TFEC: variants seen among roughly 807,000 people sequenced by gnomAD.
The protein encoded by TFEC is class E basic helix-loop-helix protein 34.
TFEC carries 31 observed loss-of-function variants against 41.6 expected under a neutral mutation model. The observed-to-expected ratio is 0.74, with a 90% confidence interval of 0.56 to 1.01. The LOEUF (loss-of-function observed/expected upper bound fraction) is 1.01, where lower values mean the gene tolerates loss of function less well. Among genes scored for constraint, TFEC ranks in the 50% least tolerant of loss-of-function variants. TFEC has a pLI of 0.00. For synonymous variants in TFEC, 143 were observed against 140.6 expected, an observed-to-expected ratio of 1.02 and a Z score of -0.12; for missense variants, 402 against 404.1, an observed-to-expected ratio of 0.99 and a Z score of 0.04.
At position 116,070,447 on chromosome 7, in the gene TFEC, C is replaced by T. The variant is rs185708176; in HGVS notation, c.198+40261G>A. On this transcript the variant is annotated intron_variant, in intron 3 of 8. Transcript: ENST00000484212. ...AGCAACGACTGAACCAATAAATTAC[C>T]TCAAACGACCTAATACAAAATTGTA... is the stretch of plus-strand genomic sequence containing the variant. Among the ~76,000 whole-genome samples, 46 of 151,358 alleles carry T rather than the reference C, an allele frequency of 3.0e-4. 1 individual carries two copies. In the East Asian group the frequency reaches 8.3e-3, roughly 27 times the overall value.
intron 3 of TFEC, among the ~76,000 whole-genome samples, chr7:115,973,072 T>C (rs920404789): frequency 6.6e-6 from 1 of 151,530 alleles, no homozygotes; most frequent in Non-Finnish European, 1.5e-5. Flanking sequence ...AGAGTCATCA[T>C]TCTATATTTA....
chr7:115,957,087 T>C (rs1318504720), intron 3 of TFEC, among the ~76,000 whole-genome samples: 2 of 152,006 alleles, frequency 1.3e-5, no homozygotes, highest in African/African-American at 4.8e-5. Context: ...TTATGGAAGT[T>C]TGATCCAGCA....
At chr7:116,000,940 G>GAAA (rs35990082) in intron 1 of TFEC, among the ~76,000 whole-genome samples, 1 of 132,638 alleles carries the variant, frequency 7.5e-6, no homozygotes, top group Non-Finnish European at 1.6e-5. Flanking sequence ...CACAGAAATA[G>GAAA]AAAAAAAAAA....
upstream of TFEC, among the ~76,000 whole-genome samples, chr7:116,033,085 A>G (rs1713045468): frequency 6.6e-6 from 1 of 151,980 alleles, no homozygotes; most frequent in African/African-American, 2.4e-5. Flanking sequence ...ATTTCAGTTA[A>G]TTAATCACGT....
intron 6 of TFEC, among the ~76,000 whole-genome samples, chr7:115,947,427 A>G (rs1791654711): frequency 6.6e-6 from 1 of 151,354 alleles, no homozygotes; most frequent in Non-Finnish European, 1.5e-5. Flanking sequence ...TCCTTTGGGT[A>G]TATACCCAGT....
In TFEC at chr7:116,093,560, T is replaced by A. The variant is rs140816215; in HGVS notation, c.198+17148A>T. Among the ~76,000 whole-genome samples the A allele has an allele frequency of 9.7e-4, 148 of 152,278 alleles. 2 individuals are homozygous for A. The East Asian group carries it at 0.021, about 22-fold the overall frequency. The stretch of plus-strand genomic sequence containing the variant: ...TGGGTCTGATTTTGTTTCTTCTTTC[T>A]TTTTTTGTTTAATTTTATCACTTTT... On this transcript the variant is annotated intron_variant, in intron 3 of 8. Coordinates refer to the TFEC transcript ENST00000484212.
rs182653863 is a variant in TFEC, at chr7:115,999,291, A to G, written c.-72-14778T>C. Among the ~76,000 whole-genome samples, 1,176 of 152,132 alleles carry G rather than the reference A, an allele frequency of 7.7e-3. 26 individuals are homozygous for G. Among genetic ancestry groups the G allele is most frequent in the African/African-American group, 0.027 (1,120 of 41,564 alleles). The stretch of plus-strand genomic sequence containing the variant: ...AGGAAATTTAAAAATTTCTTGAAAC[A>G]AATGATAATGAAAACACAATATACC... On this transcript the variant is annotated intron_variant, in intron 1 of 7. Transcript: ENST00000265440.
chr7:116,077,916 C>A (rs920975566), intron 3 of TFEC, among the ~76,000 whole-genome samples: 1 of 151,962 alleles, frequency 6.6e-6, no homozygotes, highest in African/African-American at 2.4e-5. Context: ...CTATACCCTA[C>A]AACAAATGGA....
At chr7:116,139,060 T>C (rs188938110) in intron 1 of TFEC, among the ~76,000 whole-genome samples, 1 of 152,216 alleles carries the variant, frequency 6.6e-6, no homozygotes, top group East Asian at 1.9e-4. Flanking sequence ...CTCTCTGGGG[T>C]TGCCGTGGCA....
chr7:116,033,244 T>C (rs1795830774), upstream of TFEC, among the ~76,000 whole-genome samples: 1 of 152,108 alleles, frequency 6.6e-6, no homozygotes, highest in African/African-American at 2.4e-5. Context: ...AAGAAATGTG[T>C]CAAAGTGCTT....
intron 3 of TFEC, among the ~76,000 whole-genome samples, chr7:115,957,994 T>C (rs746076081): frequency 5.3e-5 from 8 of 151,918 alleles, no homozygotes; most frequent in Non-Finnish European, 7.4e-5. Flanking sequence ...CGTCAGTTTA[T>C]ATGCATATCA....
At chr7:116,098,756 C>A (rs755399135) in intron 3 of TFEC, among the ~76,000 whole-genome samples, 41 of 151,964 alleles carry the variant, frequency 2.7e-4, no homozygotes, top group Non-Finnish European at 2.9e-4. Flanking sequence ...CAGAAAATAT[C>A]ATTTAAATGA....
At chr7:115,977,148 TTTG>T (rs1179747670) in intron 2 of TFEC, among the ~76,000 whole-genome samples, 6 of 152,142 alleles carry the variant, frequency 3.9e-5, no homozygotes, top group Non-Finnish European at 8.8e-5. Context: ...CAAGAATCCA[TTTG>T]TTATTTTAAA....
At chr7:115,961,771 T>A (rs897316470) in intron 3 of TFEC, among the ~76,000 whole-genome samples, 20 of 151,716 alleles carry the variant, frequency 1.3e-4, no homozygotes, top group African/African-American at 4.6e-4. Context: ...ATGCCTGTTT[T>A]CACTACTTCT....
intron 1 of TFEC, among the ~76,000 whole-genome samples, chr7:116,136,025 A>G (rs1798426068): frequency 6.6e-6 from 1 of 152,078 alleles, no homozygotes; most frequent in African/African-American, 2.4e-5. Context: ...GTATGTATAT[A>G]ACTCATTTAT....
At chr7:116,096,676 T>C (rs1264138104) in intron 3 of TFEC, among the ~76,000 whole-genome samples, 1 of 152,190 alleles carries the variant, frequency 6.6e-6, no homozygotes, top group Non-Finnish European at 1.5e-5. Context: ...TTCTTATTCT[T>C]GAGTTTTGAC....
At chr7:115,943,942 T>G (rs1279965248) in intron 6 of TFEC, among the ~76,000 whole-genome samples, 1 of 145,424 alleles carries the variant, frequency 6.9e-6, no homozygotes, top group Non-Finnish European at 1.5e-5. Context: ...GTACATCCAC[T>G]TAAAAGCATT....
chr7:115,949,359 C>T (rs945598387), intron 6 of TFEC, among the ~76,000 whole-genome samples: 57 of 152,086 alleles, frequency 3.7e-4, no homozygotes, highest in African/African-American at 1.2e-3. Context: ...CTTTAAAGTT[C>T]ATATGGAACC....
At chr7:116,096,029 T>C (rs957145732) in intron 3 of TFEC, among the ~76,000 whole-genome samples, 2 of 152,214 alleles carry the variant, frequency 1.3e-5, no homozygotes, top group Admixed American at 6.5e-5. Flanking sequence ...TACTACCACT[T>C]TTCCATTGTA....
Sources: allele counts gnomAD v4.1 joint callset (sites outside exome capture counted in the v4.1 genomes callset), GRCh38; gene constraint gnomAD v4.1.1; transcripts MANE v1.5; gene names NCBI Gene and HGNC (gene_info 2026-07-23, HGNC 2026-07-21).